Variants in ERC1 observed in about 807,000 individuals in gnomAD.
ERC1 encodes the protein RAB6 interacting protein 2.
A neutral mutation model predicts 132.0 loss-of-function variants in ERC1; 56 were observed. That is an observed-to-expected ratio of 0.42 (90% CI 0.34 to 0.53). The LOEUF is 0.53. Ranked by LOEUF, ERC1 falls within the 20% of genes least tolerant of loss-of-function variation. The pLI is 0.03. For synonymous variants in ERC1, 478 were observed against 476.1 expected (o/e 1.00, Z -0.05); for missense variants, 1,202 against 1,349.9 (o/e 0.89, Z 1.72).
At chr12:1,421,781 G>A (rs1367287961) in intron 17 of ERC1, among the ~76,000 whole-genome samples, 1 of 152,018 alleles carries the variant, frequency 6.6e-6, no homozygotes, top group African/African-American at 2.4e-5. Flanking sequence ...ACTTTGGGAG[G>A]CTGAGGCAGG....
intron 17 of ERC1, among the ~76,000 whole-genome samples, chr12:1,420,924 G>C (rs1471667925): frequency 6.8e-5 from 10 of 147,960 alleles, no homozygotes; most frequent in South Asian, 2.2e-4. Context: ...TGGTTTGGGG[G>C]GGGGGGGGGT....
At chr12:1,368,979 A>AT (rs2086920437) in intron 15 of ERC1, among the ~76,000 whole-genome samples, 2 of 152,266 alleles carry the variant, frequency 1.3e-5, no homozygotes, top group South Asian at 4.1e-4. Context: ...CTGTTAGGGG[A>AT]TTTTTAGAGG....
At chr12:1,172,246 G>A (rs757535589) in intron 8 of ERC1, among the ~76,000 whole-genome samples, 1 of 152,112 alleles carries the variant, frequency 6.6e-6, no homozygotes, top group Non-Finnish European at 1.5e-5. Context: ...AAGGTGGGAG[G>A]ATCACTTGAG....
At chr12:1,293,747 A>G (rs1356324793) in intron 15 of ERC1, among the ~76,000 whole-genome samples, 1 of 152,182 alleles carries the variant, frequency 6.6e-6, no homozygotes. Context: ...ATTATATCCT[A>G]GTAACAATTT....
intron 18 of ERC1, among the ~76,000 whole-genome samples, chr12:1,488,630 A>ATT: frequency 6.6e-6 from 1 of 152,216 alleles, no homozygotes; most frequent in East Asian, 1.9e-4. Flanking sequence ...ACTGATCGGC[A>ATT]GAACTGACCT....
intron 15 of ERC1, among the ~76,000 whole-genome samples, chr12:1,319,755 C>T (rs1480455205): frequency 1.3e-5 from 2 of 151,994 alleles, no homozygotes; most frequent in Admixed American, 6.6e-5. Context: ...AAATGAAAGC[C>T]TCAGAATTTT....
At chr12:1,140,777 G>C (rs1013205244) in intron 7 of ERC1, among the ~76,000 whole-genome samples, 2 of 152,108 alleles carry the variant, frequency 1.3e-5, no homozygotes, top group African/African-American at 4.8e-5. Flanking sequence ...AGCCCAAATT[G>C]AGATGTGATA....
intron 1 of ERC1, among the ~76,000 whole-genome samples, chr12:1,020,329 T>C (rs1966160951): frequency 6.6e-6 from 1 of 152,110 alleles, no homozygotes; most frequent in African/African-American, 2.4e-5. Flanking sequence ...TGGTGGCACA[T>C]GCCTGTAATC....
At chr12:1,348,154 G>C (rs1248061968) in intron 15 of ERC1, among the ~76,000 whole-genome samples, 2 of 152,182 alleles carry the variant, frequency 1.3e-5, no homozygotes, top group Non-Finnish European at 2.9e-5. Flanking sequence ...ACCACTATGT[G>C]ACCAGTGTAA....
In ERC1 at chr12:1,134,728, C is replaced by CTT. The variant is rs201981125; in HGVS notation, c.1570-6876_1570-6875dup. On this transcript the variant is annotated intron_variant, in intron 7 of 18. Coordinates refer to ENST00000360905, the MANE Select transcript of ERC1 (RefSeq NM_178040.4). ...CTCAATAATTGGGGGTCCTCAGTAA[C>CTT]TTTTTTTTTTTTTTTTTGAGACATA... Among the ~76,000 whole-genome samples, 708 of 136,074 alleles carry CTT rather than the reference C, an allele frequency of 5.2e-3. 4 individuals carry two copies. Among genetic ancestry groups the CTT allele is most frequent in the African/African-American group, 9.0e-3 (333 of 36,842 alleles). The allele number at this position is 136,074 out of a possible 152,430, so 89.3% of individuals were successfully genotyped here.
At position 1,493,956 on chromosome 12, in the gene ERC1, G is replaced by A. The variant is rs546222538; in HGVS notation, c.*3726G>A. The A allele has an allele frequency of 1.3e-4, 31 of 232,064 alleles. No homozygotes were observed. Among genetic ancestry groups the A allele is most frequent in the South Asian group, 1.3e-3 (7 of 5,496 alleles). The allele number at this position is 232,064 out of a possible 1,614,324, so 14.4% of individuals were successfully genotyped here. A position where few individuals can be genotyped will look rare whatever the true frequency, so the allele number is the denominator to read the frequency against. The stretch of plus-strand genomic sequence containing the variant: ...CCCAAAATATAAATGTTTCTGAGCC[G>A]CCCATCCACTGGCATTTGGATTTGC... On this transcript the variant is annotated 3_prime_UTR_variant, in exon 19 of 19. Coordinates refer to ENST00000360905, the MANE Select transcript of ERC1 (RefSeq NM_178040.4).
At chr12:1,162,390 GT>G (rs1201345212) in intron 8 of ERC1, among the ~76,000 whole-genome samples, 4 of 151,960 alleles carry the variant, frequency 2.6e-5, no homozygotes, top group Non-Finnish European at 5.9e-5. Context: ...GTAGCTTGGA[GT>G]TTAATTTGCT....
At chr12:1,349,990 A>G (rs1368855758) in intron 15 of ERC1, among the ~76,000 whole-genome samples, 1 of 152,156 alleles carries the variant, frequency 6.6e-6, no homozygotes, top group Non-Finnish European at 1.5e-5. Context: ...TTCCTTATTG[A>G]GGAGGGAAAC....
chr12:1,142,257 C>CTG (rs1949926036), intron 8 of ERC1, among the ~76,000 whole-genome samples: 1 of 152,164 alleles, frequency 6.6e-6, no homozygotes. Context: ...ACAAATCTTA[C>CTG]TGTTCCTTAG....
At chr12:1,396,692 A>C (rs1479664969) in intron 16 of ERC1, among the ~76,000 whole-genome samples, 1 of 152,204 alleles carries the variant, frequency 6.6e-6, no homozygotes, top group Non-Finnish European at 1.5e-5. Context: ...TGAAAGATAA[A>C]GATGAGGTGT....
intron 3 of ERC1, among the ~76,000 whole-genome samples, chr12:1,103,883 A>C (rs1944945527): frequency 6.6e-6 from 1 of 152,190 alleles, no homozygotes. Context: ...TTTGTTGGAC[A>C]TGAAAGTGAG....
At chr12:1,184,137 C>CAAA (rs75254476) in intron 11 of ERC1, among the ~76,000 whole-genome samples, 1 of 83,922 alleles carries the variant, frequency 1.2e-5, no homozygotes, top group Non-Finnish European at 2.7e-5. Context: ...CTCCATCTCA[C>CAAA]AAAAAAAAAA....
chr12:1,487,955 G>A (rs1392742248), intron 18 of ERC1, among the ~76,000 whole-genome samples: 5 of 151,566 alleles, frequency 3.3e-5, no homozygotes, highest in Middle Eastern at 3.4e-3. Context: ...TGGCTAACAC[G>A]GTGAAGCCCT....
chr12:1,336,516 C>A (rs974279933), intron 15 of ERC1, among the ~76,000 whole-genome samples: 9 of 152,128 alleles, frequency 5.9e-5, no homozygotes, highest in African/African-American at 2.2e-4. Context: ...ATGCAAAAGT[C>A]ATTCAGGAGT....
Sources: allele counts gnomAD v4.1 joint callset (sites outside exome capture counted in the v4.1 genomes callset), GRCh38; gene constraint gnomAD v4.1.1; transcripts MANE v1.5; gene names NCBI Gene and HGNC (gene_info 2026-07-23, HGNC 2026-07-21).